SOX5: variants seen among roughly 807,000 people sequenced by gnomAD.
SOX5 encodes the protein transcription factor SOX-5.
Under a neutral mutation model 92.0 loss-of-function variants are expected in SOX5, and 9 were observed. The ratio of observed to expected loss-of-function variants is 0.10; its 90% CI spans 0.06 to 0.17. The LOEUF (loss-of-function observed/expected upper bound fraction) is 0.17, where lower values mean the gene tolerates loss of function less well. SOX5 is among the 10% of genes least tolerant of loss of function. The probability of loss-of-function intolerance (pLI) is 1.00; values close to 1 mark genes in which losing one functional copy is unlikely to be tolerated. For synonymous variants in SOX5, 344 were observed against 336.3 expected (o/e 1.02, Z -0.25); for missense variants, 642 against 944.5 (o/e 0.68, Z 4.20).
chr12:23,767,247 CAT>C (rs113813021), intron 3 of SOX5, among the ~76,000 whole-genome samples: 54,847 of 138,110 alleles, frequency 0.4, 10,915 homozygotes, highest in South Asian at 0.49. Flanking sequence ...CACACACACA[CAT>C]ATATATATTC....
chr12:24,071,612 T>A (rs1305001950), intron 4 of SOX5, among the ~76,000 whole-genome samples: 1 of 152,068 alleles, frequency 6.6e-6, no homozygotes, highest in Non-Finnish European at 1.5e-5. Context: ...TTTTCATAGT[T>A]TTTAGTAGAG....
intron 4 of SOX5, among the ~76,000 whole-genome samples, chr12:24,068,678 G>GTA (rs1941195387): frequency 2.1e-5 from 2 of 95,140 alleles, no homozygotes; most frequent in African/African-American, 9.1e-5. Flanking sequence ...GGTCAAAGTC[G>GTA]TATGTGTGTG....
chr12:24,423,664 G>A (rs890532325), intron 1 of SOX5, among the ~76,000 whole-genome samples: 10 of 152,194 alleles, frequency 6.6e-5, no homozygotes, highest in African/African-American at 2.4e-4. Context: ...GAACACACAG[G>A]TATTTACCTG....
rs531004732 is a variant in SOX5, at chr12:23,586,632, T to A, written c.1165-10794A>T. 5.5e-5 allele frequency among the ~76,000 whole-genome samples: 8 copies of A among 146,558 alleles called. No individual in the cohort carries two copies. The South Asian group carries it at 1.8e-3, about 32-fold the overall frequency. The stretch of plus-strand genomic sequence containing the variant: ...AGTTATCATTTCCTTATTCTGTGAA[T>A]CCTTAGACCACTTTTTTTTTTTTCT... On this transcript the variant is annotated intron_variant, in intron 9 of 14. Coordinates refer to ENST00000451604, the MANE Select transcript of SOX5 (RefSeq NM_006940.6).
At chr12:23,810,842 T>C (rs1333638729) in intron 3 of SOX5, among the ~76,000 whole-genome samples, 1 of 152,134 alleles carries the variant, frequency 6.6e-6, no homozygotes, top group Admixed American at 6.6e-5. Context: ...CACTACAGCT[T>C]CCTAGAAATT....
At position 23,816,173 on chromosome 12, in the gene SOX5, A is replaced by G. The variant is rs536053953; in HGVS notation, c.481+29810T>C. 2.6e-5 allele frequency among the ~76,000 whole-genome samples: 4 copies of G among 151,892 alleles called. No homozygotes were observed. The South Asian group carries it at 8.3e-4, about 32-fold the overall frequency. On this transcript the variant is annotated intron_variant, in intron 3 of 14. Transcript: ENST00000451604. ...GCGGACCACTGCTCTAGGAGGTCAA[A>G]ATCTAATGGAGGAGAGACACTTGGA...
chr12:24,195,979 G>C (rs1956975166), intron 4 of SOX5, among the ~76,000 whole-genome samples: 1 of 152,188 alleles, frequency 6.6e-6, no homozygotes, highest in Non-Finnish European at 1.5e-5. Context: ...CTGCCTCCCA[G>C]GTTCAAGCGA....
chr12:24,211,361 C>G (rs566830724), intron 4 of SOX5, among the ~76,000 whole-genome samples: 1 of 152,256 alleles, frequency 6.6e-6, no homozygotes, highest in East Asian at 1.9e-4. Context: ...TGTTTTCTTC[C>G]ATAGGAATGA....
intron 2 of SOX5, among the ~76,000 whole-genome samples, chr12:24,328,104 C>T (rs532549984): frequency 2.6e-5 from 4 of 152,186 alleles, no homozygotes; most frequent in Admixed American, 6.5e-5. Flanking sequence ...TACAATAAAA[C>T]CTAAGTCAGA....
chr12:24,235,861 A>T (rs1410832062), intron 3 of SOX5, among the ~76,000 whole-genome samples: 7 of 152,140 alleles, frequency 4.6e-5, no homozygotes, highest in Non-Finnish European at 1.0e-4. Flanking sequence ...TTTGTAACTA[A>T]TAGACAACTT....
At chr12:23,919,660 T>C (rs1321818535) in intron 1 of SOX5, among the ~76,000 whole-genome samples, 1 of 152,014 alleles carries the variant, frequency 6.6e-6, no homozygotes, top group Non-Finnish European at 1.5e-5. Context: ...GGAATGGAGG[T>C]CAGGAGATGC....
At chr12:23,728,614 C>A (rs531651695) in intron 6 of SOX5, among the ~76,000 whole-genome samples, 1 of 152,146 alleles carries the variant, frequency 6.6e-6, no homozygotes, top group African/African-American at 2.4e-5. Context: ...GCTCAGAGAA[C>A]TTTGGTGCCA....
chr12:24,235,928 G>C (rs190744714), intron 3 of SOX5, among the ~76,000 whole-genome samples: 1 of 152,088 alleles, frequency 6.6e-6, no homozygotes, highest in Non-Finnish European at 1.5e-5. Flanking sequence ...GGTGGCTCAC[G>C]CCTGTAATCC....
chr12:23,550,708 G>A (rs1430836940), intron 11 of SOX5, among the ~76,000 whole-genome samples: 1 of 151,668 alleles, frequency 6.6e-6, no homozygotes, highest in African/African-American at 2.4e-5. Flanking sequence ...GGCATGATGA[G>A]TTACAGTTCC....
chr12:23,979,913 C>CTGGCCAGA (rs1555459467), intron 4 of SOX5, among the ~76,000 whole-genome samples: 73 of 124,202 alleles, frequency 5.9e-4, no homozygotes, highest in African/African-American at 2.0e-3. Context: ...GGCTGGCTGG[C>CTGGCCAGA]CAGACAGACA....
chr12:23,790,963 C>G (rs997088114), intron 3 of SOX5, among the ~76,000 whole-genome samples: 41 of 152,318 alleles, frequency 2.7e-4, no homozygotes, highest in Admixed American at 1.6e-3. Flanking sequence ...GGCATTTCAA[C>G]TTGGGAAAAC....
intron 1 of SOX5, among the ~76,000 whole-genome samples, chr12:23,908,729 C>T (rs770336107): frequency 1.2e-4 from 18 of 151,910 alleles, no homozygotes; most frequent in Non-Finnish European, 1.8e-4. Flanking sequence ...GTGCCAAAGA[C>T]GATGAGCATC....
At chr12:23,919,841 A>T (rs2097463246) in intron 1 of SOX5, among the ~76,000 whole-genome samples, 1 of 152,190 alleles carries the variant, frequency 6.6e-6, no homozygotes, top group African/African-American at 2.4e-5. Context: ...TACAAAAATA[A>T]CCCTAAAAAT....
intron 4 of SOX5, among the ~76,000 whole-genome samples, chr12:24,006,328 G>C (rs114305016): frequency 1.3e-5 from 2 of 152,076 alleles, no homozygotes; most frequent in African/African-American, 4.8e-5. Context: ...CAAAAAGCTG[G>C]GGAATATTAG....
Sources: gnomAD v4.1 joint callset for allele counts (sites outside exome capture counted in the v4.1 genomes callset) on GRCh38, gnomAD v4.1.1 for gene constraint, MANE v1.5 for transcripts, NCBI Gene and HGNC (gene_info 2026-07-23, HGNC 2026-07-21) for gene names.